Variants in TARS2 observed in about 807,000 individuals in gnomAD.
TARS2 encodes threonyl-tRNA synthetase 2, mitochondrial.
Under a neutral mutation model 94.4 loss-of-function variants are expected in TARS2, and 61 were observed. The observed-to-expected ratio is 0.65, with a 90% CI of 0.53 to 0.80. The LOEUF (loss-of-function observed/expected upper bound fraction) is 0.80, where lower values mean the gene tolerates loss of function less well. Ranked by LOEUF, TARS2 falls within the 30% of genes least tolerant of loss-of-function variation. The pLI, the probability that TARS2 is intolerant of heterozygous loss-of-function variation, is 0.00. For missense variants in TARS2, 704 were observed against 902.5 expected, an observed-to-expected ratio of 0.78 and a Z score of 2.82; for synonymous variants, 359 against 353.4, an observed-to-expected ratio of 1.02 and a Z score of -0.18.
At chr1:150,494,306 G>T (rs967434918) in intron 7 of TARS2, among the ~76,000 whole-genome samples, 4 of 150,948 alleles carry the variant, frequency 2.6e-5, no homozygotes, top group African/African-American at 9.7e-5. Flanking sequence ...AGGAGGCAGA[G>T]GTTGCAGTGA....
At chr1:150,490,788 C>T in intron 4 of TARS2, 63 bp downstream of exon 4, 3 of 1,605,538 alleles carry the variant, frequency 1.9e-6, no homozygotes, top group East Asian at 2.2e-5. Context: ...TTTTCAGGGG[C>T]CTTGGGCATG....
Position 150,497,651 on chromosome 1 carries a change from C to T in TARS2, c.1142C>T (p.Pro381Leu), listed in dbSNP as rs747498329. The change falls in exon 10 of 18, where the codon CCA (proline) becomes CTA (leucine). Residue 381 changes from proline to leucine, a missense_variant. By Grantham distance (98) the Pro-to-Leu change is moderately conservative. Around this residue, in one of 3 missense-constraint regions of TARS2, gnomAD observed 466 missense variants for 609.5 expected, o/e 0.76. Coordinates refer to ENST00000369064, the MANE Select transcript of TARS2 (RefSeq NM_025150.5). ...YQEDMFAVQP[P>L]GSDRPPSSQS... ...GAAGACATGTTTGCCGTGCAGCCCC[C>T]AGGCTCTGACAGGCCTCCCAGCTCC... 6.2e-7 allele frequency: 1 copy of T among 1,614,176 alleles called. No homozygotes were observed. The highest frequency in any genetic ancestry group is 1.1e-5 in the South Asian group (1 of 91,080).
rs1466611053 is a variant in TARS2 at position 150,488,015 on chromosome 1, C to T, written c.224C>T (p.Ala75Val). Residue 75 changes from alanine (A) to valine (V), a missense_variant, in exon 2 of 18, where the codon GCA becomes GTA. Physicochemically the swap from Ala to Val is moderately conservative, Grantham distance 64. Transcript: ENST00000369064. ...LPGGQKIDAVAWNTTPYQLAR... is the reference protein window; with the variant it reads ...LPGGQKIDAVVWNTTPYQLAR... Reference sequence around the variant, plus strand: ...GGAGGCCAGAAAATTGATGCTGTGGCATGGAACACAACCCCCTACCAACTA... The same window carrying T: ...GGAGGCCAGAAAATTGATGCTGTGGTATGGAACACAACCCCCTACCAACTA... 6.2e-7 allele frequency: 1 copy of T among 1,613,916 alleles called. No individual in the cohort carries two copies. Among genetic ancestry groups the T allele is most frequent in the Non-Finnish European group, 8.5e-7 (1 of 1,180,002 alleles).
chr1:150,487,632 C>A, intron 1 of TARS2, 116 bp downstream of exon 1: 1 of 1,440,464 alleles, frequency 6.9e-7, no homozygotes. Context: ...TCCTCCGAGT[C>A]CCCAGAAAAG....
chr1:150,506,868 C>T, intron 17 of TARS2, 48 bp from the exon 18 acceptor site: 1 of 1,611,010 alleles, frequency 6.2e-7, no homozygotes, highest in Non-Finnish European at 8.5e-7. Context: ...GAAACTGTTC[C>T]ATGTGGGTGA....
intron 6 of TARS2, 154 bp from the exon 7 acceptor site, chr1:150,492,257 C>T: frequency 1.3e-6 from 1 of 748,014 alleles, no homozygotes; most frequent in East Asian, 2.8e-5. Context: ...AGCCACCGCG[C>T]CCTGCCAGGG....
intron 13 of TARS2, among the ~76,000 whole-genome samples, chr1:150,503,603 A>ATATATATG: frequency 1.2e-5 from 1 of 81,456 alleles, no homozygotes; most frequent in African/African-American, 6.2e-5. Context: ...GTGTGTGTGT[A>ATATATATG]TGTGTGTATA....
At chr1:150,505,088 T>C (rs1570871746) in intron 16 of TARS2, 110 bp downstream of exon 16, 3 of 1,082,112 alleles carry the variant, frequency 2.8e-6, no homozygotes, top group Admixed American at 2.4e-5. Context: ...AGCACAGCCC[T>C]CACAGCCACA....
rs1669308987 is a variant in TARS2, at chr1:150,489,923, C to T, written c.388-678C>T. 2.6e-5 allele frequency among the ~76,000 whole-genome samples: 4 copies of T among 152,064 alleles called. No individual in the cohort carries two copies. In the South Asian group the frequency reaches 8.3e-4, roughly 32 times the overall value. On this transcript the variant is annotated intron_variant, in intron 3 of 17. Transcript: ENST00000369064. ...CGTCATTGCACTCTAGCCTGGGCGACAGAGCGAGACTCCGTCTCAAAAAGA... is the reference window on the plus strand; with the variant it reads ...CGTCATTGCACTCTAGCCTGGGCGATAGAGCGAGACTCCGTCTCAAAAAGA...
chr1:150,504,612 C>A lies in TARS2; in HGVS notation c.1719-20C>A, dbSNP rs587730315. On this transcript the variant is annotated intron_variant, in intron 14 of 17. Coordinates refer to ENST00000369064, the MANE Select transcript of TARS2 (RefSeq NM_025150.5). ...TGATACTTCCACCATTCCATCCACC[C>A]CCCCCTTTTTCCTTTCAAGGCAGGC... The A allele has an allele frequency of 1.2e-5, 19 of 1,610,234 alleles. No homozygotes were observed. Among genetic ancestry groups the A allele is most frequent in the South Asian group, 8.8e-5 (8 of 90,936 alleles).
In TARS2 at chr1:150,491,073, AAAAG is replaced by A. The variant is rs587744502; in HGVS notation, c.513-318_513-315del. ...CTTTCTCAAAAAAAAAACAAAAAGA[AAAAG>A]AAGAAACAACTTACTTTGTTACTTG... On this transcript the variant is annotated intron_variant, in intron 4 of 17. Coordinates refer to ENST00000369064, the MANE Select transcript of TARS2 (RefSeq NM_025150.5). Among the ~76,000 whole-genome samples, 797 of 152,046 alleles carry A rather than the reference AAAAG, an allele frequency of 5.2e-3. 5 individuals carry two copies. The highest frequency in any genetic ancestry group is 9.1e-3 in the Non-Finnish European group (617 of 67,942).
rs770289536 is a variant in TARS2, at chr1:150,496,512, G to A, written c.805G>A (p.Ala269Thr). 153 of 1,613,914 alleles carry A rather than the reference G, an allele frequency of 9.5e-5. No homozygotes were observed. Among genetic ancestry groups the A allele is most frequent in the Non-Finnish European group, 1.2e-4 (147 of 1,179,968 alleles). ...ATCATCCTTATGGAGGTCTTCAGGG[G>A]CCCCAGAGACACTGCAGAGAGTGTC... is the stretch of plus-strand genomic sequence containing the variant. ...NSSSLWRSSG[A>T]PETLQRVSGI... The change falls in exon 8 of 18, where the codon GCC (alanine) becomes ACC (threonine). Residue 269 changes from alanine to threonine, a missense_variant. By Grantham distance (58) the Ala-to-Thr change is moderately conservative. Coordinates refer to ENST00000369064, the MANE Select transcript of TARS2 (RefSeq NM_025150.5).
intron 3 of TARS2, 114 bp from the exon 4 acceptor site, chr1:150,490,487 A>G: frequency 6.9e-7 from 1 of 1,439,992 alleles, no homozygotes; most frequent in South Asian, 1.5e-5. Flanking sequence ...TGTGGTAGTT[A>G]TTCCTAGAAG....
chr1:150,504,823 C>T (rs1273010998), intron 15 of TARS2, 83 bp from the exon 16 acceptor site: 1 of 1,606,642 alleles, frequency 6.2e-7, no homozygotes, highest in Non-Finnish European at 8.5e-7. Context: ...AGCCTCTTTC[C>T]TTCTCAAGTC....
In TARS2 at chr1:150,507,245, G is replaced by T; in HGVS notation, c.*181G>T. On this transcript the variant is annotated 3_prime_UTR_variant, in exon 18 of 18. Transcript: ENST00000369064. ...CCACAAAAGGAGGGAAGCTGTAGCTGTTTGGATGTGAGGAGAATGAAACTA... is the reference window on the plus strand; with the variant it reads ...CCACAAAAGGAGGGAAGCTGTAGCTTTTTGGATGTGAGGAGAATGAAACTA... The T allele has an allele frequency of 1.3e-6, 1 of 761,294 alleles. No individual in the cohort carries two copies. Among genetic ancestry groups the T allele is most frequent in the Non-Finnish European group, 2.0e-6 (1 of 492,584 alleles). 47.2% of individuals were successfully genotyped at this position (761,294 alleles called of 1,614,324 possible).
chr1:150,489,106 A>G lies in TARS2; in HGVS notation c.387+19A>G. Reference sequence around the variant, plus strand: ...GAAAGCAGTAAGTTTCTTTCTTATCAGGAATACAGTGACTACTAAACCAAG... The same window carrying G: ...GAAAGCAGTAAGTTTCTTTCTTATCGGGAATACAGTGACTACTAAACCAAG... On this transcript the variant is annotated intron_variant, in intron 3 of 17. Coordinates refer to ENST00000369064, the MANE Select transcript of TARS2 (RefSeq NM_025150.5). 1 of 1,613,942 alleles carries G rather than the reference A, an allele frequency of 6.2e-7. No homozygotes were observed. The highest frequency in any genetic ancestry group is 8.5e-7 in the Non-Finnish European group (1 of 1,179,850).
intron 4 of TARS2, 67 bp downstream of exon 4, chr1:150,490,792 G>A: frequency 1.2e-6 from 2 of 1,602,110 alleles, no homozygotes; most frequent in Non-Finnish European, 1.7e-6. Context: ...CAGGGGCCTT[G>A]GGCATGCTCC....
At chr1:150,492,265 G>T in intron 6 of TARS2, 146 bp from the exon 7 acceptor site, 1 of 811,354 alleles carries the variant, frequency 1.2e-6, no homozygotes, top group East Asian at 2.7e-5. Context: ...CGCCCTGCCA[G>T]GGAATTGATT....
At position 150,498,562 on chromosome 1, in the gene TARS2, T is replaced by C. The variant is rs1669771213; in HGVS notation, c.1299T>C (p.Phe433=). The C allele has an allele frequency of 6.2e-7, 1 of 1,604,524 alleles. No individual in the cohort carries two copies. The highest frequency in any genetic ancestry group is 1.3e-5 in the African/African-American group (1 of 74,232). The change falls in exon 11 of 18, where the codon TTT becomes TTC. Residue 433 remains phenylalanine, a synonymous_variant. Transcript: ENST00000369064. ...AACTGCCCCTGCGACTAGCTGACTT[T>C]GGGGCTCTACACCGGGCCGAAGCCT... ...WRELPLRLAD[F]GALHRAEASG...
Sources: gnomAD v4.1 joint callset for allele counts (sites outside exome capture counted in the v4.1 genomes callset) on GRCh38, gnomAD v4.1.1 for gene constraint, gnomAD v4.1.1 regional missense constraint, MANE v1.5 for transcripts, NCBI Gene and HGNC (gene_info 2026-07-23, HGNC 2026-07-21) for gene names.